PLCL1: variants seen among roughly 807,000 people sequenced by gnomAD.
PLCL1 encodes the protein inactive phospholipase C-like protein 1.
Under a neutral mutation model 84.4 loss-of-function variants are expected in PLCL1, and 41 were observed. That is an observed-to-expected ratio of 0.49 (90% CI 0.38 to 0.63). The LOEUF (loss-of-function observed/expected upper bound fraction) is 0.63, where lower values mean the gene tolerates loss of function less well. PLCL1 is among the 30% of genes least tolerant of loss of function. The pLI, the probability that PLCL1 is intolerant of heterozygous loss-of-function variation, is 0.00. For missense variants in PLCL1, 1,206 were observed against 1,367.8 expected, an observed-to-expected ratio of 0.88 and a Z score of 1.87; for synonymous variants, 490 against 488.3, an observed-to-expected ratio of 1.00 and a Z score of -0.05.
At chr2:197,851,900 T>A (rs371587023) in intron 1 of PLCL1, among the ~76,000 whole-genome samples, 1 of 152,356 alleles carries the variant, frequency 6.6e-6, no homozygotes, top group East Asian at 1.9e-4. Context: ...TGCATTTCTG[T>A]ACCAATGTGA....
intron 1 of PLCL1, among the ~76,000 whole-genome samples, chr2:197,966,620 G>A (rs1037119308): frequency 1.3e-5 from 2 of 152,132 alleles, no homozygotes; most frequent in East Asian, 1.9e-4. Context: ...TGCAGGGGAT[G>A]GGGAAGGGAT....
chr2:197,946,115 G>A (rs1689266178), intron 1 of PLCL1, among the ~76,000 whole-genome samples: 1 of 152,082 alleles, frequency 6.6e-6, no homozygotes, highest in Non-Finnish European at 1.5e-5. Flanking sequence ...CCTCCAGATA[G>A]ATAAGATTTA....
At chr2:198,104,029 G>C in intron 5 of PLCL1, 93 bp downstream of exon 5, 1 of 580,736 alleles carries the variant, frequency 1.7e-6, no homozygotes, top group Non-Finnish European at 2.9e-6. Context: ...AAATATGATG[G>C]TTTGGATTTT....
chr2:198,023,189 T>C (rs1486791971), intron 1 of PLCL1, among the ~76,000 whole-genome samples: 1 of 152,196 alleles, frequency 6.6e-6, no homozygotes, highest in East Asian at 1.9e-4. Flanking sequence ...GAAAACTGGC[T>C]AGCCATATGC....
chr2:197,822,429 C>T (rs1264604262), intron 1 of PLCL1, among the ~76,000 whole-genome samples: 1 of 152,174 alleles, frequency 6.6e-6, no homozygotes, highest in African/African-American at 2.4e-5. Flanking sequence ...AGTTTAAGTT[C>T]TCACATGACA....
intron 1 of PLCL1, among the ~76,000 whole-genome samples, chr2:197,852,595 GAT>G (rs1226203454): frequency 6.6e-6 from 1 of 152,064 alleles, no homozygotes; most frequent in Non-Finnish European, 1.5e-5. Flanking sequence ...TTTTTATACC[GAT>G]GGATTTTTCT....
rs569027568 is a variant in PLCL1 at position 197,890,790 on chromosome 2, GTA to G, written c.240+85461_240+85462del. ...TATATACACATATATATGTATATATGTATATATATATTTGCTATATATGTGTA... is the reference window on the plus strand; with the variant it reads ...TATATACACATATATATGTATATATGTATATATATTTGCTATATATGTGTA... On this transcript the variant is annotated intron_variant, in intron 1 of 5. Coordinates refer to ENST00000428675, the MANE Select transcript of PLCL1 (RefSeq NM_006226.4). Among the ~76,000 whole-genome samples, 101 of 135,902 alleles carry G rather than the reference GTA, an allele frequency of 7.4e-4. 2 individuals are homozygous for G. The highest frequency in any genetic ancestry group is 2.6e-3 in the African/African-American group (93 of 35,824). 89.2% of individuals were successfully genotyped at this position (135,902 alleles called of 152,430 possible). A position where few individuals can be genotyped will look rare whatever the true frequency, so the allele number is the denominator to read the frequency against.
chr2:197,852,945 A>G (rs150266141), intron 1 of PLCL1, among the ~76,000 whole-genome samples: 74 of 152,292 alleles, frequency 4.9e-4, no homozygotes, highest in Middle Eastern at 3.4e-3. Context: ...TTGTTCTGCA[A>G]CCATTACCAT....
chr2:198,099,367 T>C (rs1189898107), intron 3 of PLCL1, among the ~76,000 whole-genome samples: 1 of 152,096 alleles, frequency 6.6e-6, no homozygotes, highest in African/African-American at 2.4e-5. Context: ...AAATTTGAAA[T>C]TTTTGACTTA....
chr2:197,987,981 G>GA (rs1244354646), intron 1 of PLCL1, among the ~76,000 whole-genome samples: 1 of 152,162 alleles, frequency 6.6e-6, no homozygotes, highest in Non-Finnish European at 1.5e-5. Context: ...TTTAGAAGCA[G>GA]AAGGTGCCTC....
intron 1 of PLCL1, among the ~76,000 whole-genome samples, chr2:198,067,456 T>C (rs1692348914): frequency 1.3e-5 from 2 of 152,210 alleles, no homozygotes; most frequent in Non-Finnish European, 2.9e-5. Context: ...AGCGGCATTT[T>C]TGCCAAGTAA....
intron 1 of PLCL1, among the ~76,000 whole-genome samples, chr2:197,979,801 A>G (rs1319835874): frequency 6.6e-6 from 1 of 152,050 alleles, no homozygotes; most frequent in African/African-American, 2.4e-5. Context: ...CCCCTGACCC[A>G]TTCCCATTCA....
chr2:198,108,885 T>C (rs1351510342), intron 5 of PLCL1, among the ~76,000 whole-genome samples: 1 of 151,928 alleles, frequency 6.6e-6, no homozygotes, highest in Non-Finnish European at 1.5e-5. Flanking sequence ...GCTCTTCCTT[T>C]CTTTCTTTTT....
At chr2:197,813,469 G>C (rs1018623127) in intron 1 of PLCL1, among the ~76,000 whole-genome samples, 2 of 151,946 alleles carry the variant, frequency 1.3e-5, no homozygotes, top group Non-Finnish European at 2.9e-5. Flanking sequence ...GAAATATTTT[G>C]GAAGTATTGA....
chr2:198,115,039 T>C (rs7603309), intron 5 of PLCL1, among the ~76,000 whole-genome samples: 24,364 of 151,724 alleles, frequency 0.16, 2,359 homozygotes, highest in Middle Eastern at 0.23. Context: ...ATTTTTCTTT[T>C]ATAGGGAAGG....
intron 1 of PLCL1, among the ~76,000 whole-genome samples, chr2:198,067,981 C>T (rs1328980289): frequency 6.6e-6 from 1 of 152,102 alleles, no homozygotes; most frequent in East Asian, 1.9e-4. Context: ...TAAGAAACCA[C>T]CTAGGGATGA....
At chr2:197,976,296 C>G (rs547469798) in intron 1 of PLCL1, among the ~76,000 whole-genome samples, 8 of 152,312 alleles carry the variant, frequency 5.3e-5, no homozygotes, top group African/African-American at 1.9e-4. Context: ...CTTCTGCTCA[C>G]TTCTCAACCT....
chr2:198,137,239 G>A (rs903536434), intron 5 of PLCL1, among the ~76,000 whole-genome samples: 6 of 152,060 alleles, frequency 3.9e-5, no homozygotes, highest in African/African-American at 9.7e-5. Context: ...CTTATTTCTC[G>A]TGTGAACCTG....
intron 1 of PLCL1, among the ~76,000 whole-genome samples, chr2:198,083,480 T>G (rs1439532724): frequency 6.6e-6 from 1 of 152,184 alleles, no homozygotes; most frequent in African/African-American, 2.4e-5. Flanking sequence ...TCTTAAGAAA[T>G]CTGCTTTAAT....
Sources: allele counts gnomAD v4.1 joint callset (sites outside exome capture counted in the v4.1 genomes callset), GRCh38; gene constraint gnomAD v4.1.1; transcripts MANE v1.5; gene names NCBI Gene and HGNC (gene_info 2026-07-23, HGNC 2026-07-21).